Variants in BMPR1B observed in about 807,000 individuals in gnomAD.
BMPR1B encodes bone morphogenetic protein receptor type 1B, also known as bone morphogenetic protein receptor type-1B.
A neutral mutation model predicts 59.1 loss-of-function variants in BMPR1B; 12 were observed. That is an observed-to-expected ratio of 0.20 (90% CI 0.13 to 0.33). The LOEUF (loss-of-function observed/expected upper bound fraction) is 0.33, where lower values mean the gene tolerates loss of function less well. Ranked by LOEUF, BMPR1B falls within the 10% of genes least tolerant of loss-of-function variation. The pLI, the probability that BMPR1B is intolerant of heterozygous loss-of-function variation, is 1.00. For synonymous variants in BMPR1B, 237 were observed against 207.3 expected (o/e 1.14, Z -1.23); for missense variants, 550 against 610.9 (o/e 0.90, Z 1.05).
At chr4:94,986,836 T>C (rs1312450167) in intron 2 of BMPR1B, among the ~76,000 whole-genome samples, 1 of 151,940 alleles carries the variant, frequency 6.6e-6, no homozygotes, top group Admixed American at 6.6e-5. Flanking sequence ...GGTCAGGGGA[T>C]GGAGACCATC....
At chr4:95,065,710 C>T (rs1284055618) in intron 3 of BMPR1B, among the ~76,000 whole-genome samples, 1 of 152,038 alleles carries the variant, frequency 6.6e-6, no homozygotes, top group Non-Finnish European at 1.5e-5. Context: ...CATTATCCCT[C>T]CTCCCTTTCA....
intron 6 of BMPR1B, among the ~76,000 whole-genome samples, chr4:95,120,538 G>A (rs1000715578): frequency 2.0e-5 from 3 of 151,966 alleles, no homozygotes; most frequent in African/African-American, 7.3e-5. Context: ...AAGACTACTA[G>A]AACTGATAAA....
At chr4:95,009,982 A>AGAGGCAGAGGATTGC (rs1298467667) in intron 3 of BMPR1B, among the ~76,000 whole-genome samples, 1 of 152,216 alleles carries the variant, frequency 6.6e-6, no homozygotes, top group African/African-American at 2.4e-5. Context: ...AACTTAAGAC[A>AGAGGCAGAGGATTGC]GAGGCAGAGG....
chr4:94,893,325 T>G (rs1727468926), intron 2 of BMPR1B, among the ~76,000 whole-genome samples: 1 of 151,972 alleles, frequency 6.6e-6, no homozygotes, highest in Non-Finnish European at 1.5e-5. Flanking sequence ...GGAAAGGCCT[T>G]CTCTGTCTGT....
chr4:94,872,941 T>G (rs1726561127), intron 1 of BMPR1B, among the ~76,000 whole-genome samples: 2 of 152,202 alleles, frequency 1.3e-5, no homozygotes, highest in South Asian at 4.1e-4. Context: ...CATACTGGGT[T>G]TGAAGGTTTT....
rs557377178 is a variant in BMPR1B, at chr4:95,041,379, A to G, written c.-18+45245A>G. 2.6e-5 allele frequency among the ~76,000 whole-genome samples: 4 copies of G among 151,944 alleles called. No homozygotes were observed. In the East Asian group the frequency reaches 7.8e-4, roughly 30 times the overall value. ...TTTTTTTTTATAATAAACACTTTACACGCTTTAGAGGAGAGTTCCACCCGC... is the reference window on the plus strand; with the variant it reads ...TTTTTTTTTATAATAAACACTTTACGCGCTTTAGAGGAGAGTTCCACCCGC... On this transcript the variant is annotated intron_variant, in intron 3 of 12. Transcript: ENST00000515059.
intron 10 of BMPR1B, among the ~76,000 whole-genome samples, chr4:95,132,660 TAA>T (rs562104609): frequency 0.026 from 3,844 of 145,096 alleles, 149 homozygotes; most frequent in African/African-American, 0.089. Context: ...AGTCTTCCTA[TAA>T]AAAAAAAAAA....
intron 2 of BMPR1B, among the ~76,000 whole-genome samples, chr4:94,958,712 C>T (rs771250576): frequency 9.9e-5 from 15 of 152,120 alleles, no homozygotes; most frequent in Admixed American, 4.6e-4. Context: ...AGTAGGTCCA[C>T]AGTGTTAGTC....
chr4:95,042,517 C>A (rs1010381127), intron 3 of BMPR1B, among the ~76,000 whole-genome samples: 1 of 152,182 alleles, frequency 6.6e-6, no homozygotes, highest in Non-Finnish European at 1.5e-5. Context: ...CCTTGGGTCC[C>A]ATCCCCAAGA....
At chr4:95,125,997 A>G (rs1379913207) in intron 8 of BMPR1B, among the ~76,000 whole-genome samples, 1 of 152,138 alleles carries the variant, frequency 6.6e-6, no homozygotes, top group East Asian at 1.9e-4. Context: ...TATCCACGTC[A>G]TTGCAAATGT....
At chr4:94,788,001 T>C (rs1045464529) in intron 1 of BMPR1B, among the ~76,000 whole-genome samples, 8 of 152,082 alleles carry the variant, frequency 5.3e-5, no homozygotes, top group Admixed American at 1.3e-4. Flanking sequence ...TTCAATGTGG[T>C]ATATATGGGG....
chr4:95,080,152 T>G (rs887089759), intron 3 of BMPR1B, among the ~76,000 whole-genome samples: 4 of 152,214 alleles, frequency 2.6e-5, no homozygotes, highest in African/African-American at 9.6e-5. Flanking sequence ...ACAAATCATC[T>G]CTTATACTCA....
At chr4:94,953,954 G>T (rs926366547) in intron 2 of BMPR1B, among the ~76,000 whole-genome samples, 40 of 151,976 alleles carry the variant, frequency 2.6e-4, no homozygotes, top group African/African-American at 8.7e-4. Flanking sequence ...TGGAGGCTTT[G>T]TTCATTCCTT....
intron 3 of BMPR1B, among the ~76,000 whole-genome samples, chr4:95,043,359 G>A (rs774630503): frequency 2.6e-5 from 4 of 151,956 alleles, no homozygotes; most frequent in Non-Finnish European, 4.4e-5. Context: ...CAATCTGGAG[G>A]GTTTGTTGCT....
At chr4:94,777,918 G>A (rs753465606) in intron 1 of BMPR1B, among the ~76,000 whole-genome samples, 11 of 151,848 alleles carry the variant, frequency 7.2e-5, no homozygotes, top group South Asian at 4.1e-4. Context: ...CCCAGCTACT[G>A]GAGAGGCTGA....
intron 3 of BMPR1B, among the ~76,000 whole-genome samples, chr4:95,030,165 G>A (rs1724723455): frequency 1.3e-5 from 2 of 151,786 alleles, no homozygotes; most frequent in African/African-American, 2.4e-5. Context: ...CATTGCTTTT[G>A]GTGTTTTAGA....
At chr4:94,871,002 G>C (rs1398282691) in intron 1 of BMPR1B, among the ~76,000 whole-genome samples, 1 of 151,856 alleles carries the variant, frequency 6.6e-6, no homozygotes, top group Non-Finnish European at 1.5e-5. Context: ...TTTTTGGCGG[G>C]GGGGCGGGGT....
chr4:94,854,271 A>G (rs1251044433), intron 1 of BMPR1B, among the ~76,000 whole-genome samples: 2 of 152,226 alleles, frequency 1.3e-5, no homozygotes, highest in African/African-American at 2.4e-5. Flanking sequence ...TTATAAAAAC[A>G]TTTAAGAAGT....
chr4:94,904,753 G>T (rs2149004441), intron 2 of BMPR1B, among the ~76,000 whole-genome samples: 1 of 152,060 alleles, frequency 6.6e-6, no homozygotes, highest in Non-Finnish European at 1.5e-5. Context: ...GAAAAAGATT[G>T]GTTTTGAACC....
Sources: allele counts gnomAD v4.1 joint callset (sites outside exome capture counted in the v4.1 genomes callset), GRCh38; gene constraint gnomAD v4.1.1; transcripts MANE v1.5; gene names NCBI Gene and HGNC (gene_info 2026-07-23, HGNC 2026-07-21).